CDH12: variants seen among roughly 807,000 people sequenced by gnomAD.
The protein encoded by CDH12 is cadherin-12.
A neutral mutation model predicts 74.1 loss-of-function variants in CDH12; 41 were observed. The ratio of observed to expected loss-of-function variants is 0.55; its 90% confidence interval spans 0.43 to 0.72. The LOEUF (loss-of-function observed/expected upper bound fraction) is 0.72. Ranked by LOEUF, CDH12 falls within the 30% of genes least tolerant of loss-of-function variation. The pLI is 0.00. For missense variants in CDH12, 945 were observed against 977.2 expected, an observed-to-expected ratio of 0.97 and a Z score of 0.44; for synonymous variants, 399 against 355.0, an observed-to-expected ratio of 1.12 and a Z score of -1.39.
chr5:21,783,355 T>C lies in CDH12; in HGVS notation c.1393+3A>G. ...ACATTGATTCTGTCCATGCCATACT[T>C]ACTAACTTTACTCGCAATTATGGAG... On this transcript the variant is annotated splice_donor_region_variant and intron_variant, in intron 11 of 14. Coordinates refer to ENST00000382254, the MANE Select transcript of CDH12 (RefSeq NM_004061.5). 6.2e-7 allele frequency: 1 copy of C among 1,612,358 alleles called. No homozygotes were observed.
intron 4 of CDH12, among the ~76,000 whole-genome samples, chr5:22,194,798 G>C (rs1412881448): frequency 6.6e-6 from 1 of 152,166 alleles, no homozygotes; most frequent in Non-Finnish European, 1.5e-5. Context: ...TGGGGACCAC[G>C]GGCATAGGAC....
chr5:22,423,686 T>A (rs552760634), intron 2 of CDH12, among the ~76,000 whole-genome samples: 1 of 152,066 alleles, frequency 6.6e-6, no homozygotes, highest in East Asian at 1.9e-4. Context: ...ATGCTGTGAT[T>A]GGATGCCACT....
intron 6 of CDH12, among the ~76,000 whole-genome samples, chr5:21,880,616 C>CTTTCT (rs1752256319): frequency 5.9e-5 from 3 of 50,858 alleles, no homozygotes; most frequent in African/African-American, 2.6e-4. Context: ...TCCTTCCTTC[C>CTTTCT]TTCTTTCTTT....
intron 2 of CDH12, among the ~76,000 whole-genome samples, chr5:22,422,696 A>G (rs531546816): frequency 6.6e-6 from 1 of 152,258 alleles, no homozygotes; most frequent in East Asian, 1.9e-4. Flanking sequence ...ATGTGCCAAA[A>G]GCTCAAATTT....
chr5:22,817,273 C>A (rs1168235270), intron 1 of CDH12, among the ~76,000 whole-genome samples: 2 of 151,964 alleles, frequency 1.3e-5, no homozygotes, highest in African/African-American at 4.8e-5. Context: ...CATGAATGTA[C>A]TTTAGTAAAA....
intron 6 of CDH12, among the ~76,000 whole-genome samples, chr5:21,865,697 G>A (rs1207902781): frequency 1.3e-5 from 2 of 152,108 alleles, no homozygotes; most frequent in Non-Finnish European, 2.9e-5. Flanking sequence ...TTATTCTGGA[G>A]GCATGCAGAG....
At chr5:22,738,945 C>G (rs1744878381) in intron 1 of CDH12, among the ~76,000 whole-genome samples, 1 of 152,012 alleles carries the variant, frequency 6.6e-6, no homozygotes, top group Non-Finnish European at 1.5e-5. Flanking sequence ...AAACAACTGA[C>G]ATATTTAATG....
intron 4 of CDH12, among the ~76,000 whole-genome samples, chr5:22,176,526 G>T (rs1038388657): frequency 6.6e-6 from 1 of 152,114 alleles, no homozygotes; most frequent in African/African-American, 2.4e-5. Context: ...CAAATGCTAG[G>T]TGTCATCTTT....
chr5:22,845,789 T>C (rs1043146701), intron 1 of CDH12, among the ~76,000 whole-genome samples: 1 of 152,164 alleles, frequency 6.6e-6, no homozygotes, highest in Non-Finnish European at 1.5e-5. Flanking sequence ...CTTGACAAGA[T>C]ATTGGTTTTA....
At chr5:22,138,663 T>A in intron 4 of CDH12, among the ~76,000 whole-genome samples, 1 of 150,244 alleles carries the variant, frequency 6.7e-6, no homozygotes, top group East Asian at 2.0e-4. Flanking sequence ...ATCAAATAGG[T>A]CTTGAGTCAT....
At chr5:22,254,381 A>G (rs1046522788) in intron 3 of CDH12, among the ~76,000 whole-genome samples, 2 of 151,920 alleles carry the variant, frequency 1.3e-5, no homozygotes, top group Non-Finnish European at 2.9e-5. Flanking sequence ...AAGCATATTA[A>G]TGAGTATAGT....
intron 3 of CDH12, among the ~76,000 whole-genome samples, chr5:22,285,463 T>A (rs193091349): frequency 2.7e-4 from 41 of 152,278 alleles, no homozygotes; most frequent in Middle Eastern, 3.4e-3. Flanking sequence ...TGATTCAGCA[T>A]TTAAAAATGC....
chr5:22,194,613 T>C (rs1750518903), intron 4 of CDH12, among the ~76,000 whole-genome samples: 1 of 152,170 alleles, frequency 6.6e-6, no homozygotes, highest in Non-Finnish European at 1.5e-5. Flanking sequence ...ATTACAGGTG[T>C]GAGGCACCGT....
intron 10 of CDH12, among the ~76,000 whole-genome samples, chr5:21,788,116 T>C (rs940711588): frequency 6.6e-6 from 1 of 152,178 alleles, no homozygotes; most frequent in African/African-American, 2.4e-5. Context: ...ATGATGCCCA[T>C]CAGTGAAGAC....
chr5:22,463,969 T>A (rs1044901744), intron 2 of CDH12, among the ~76,000 whole-genome samples: 2 of 152,202 alleles, frequency 1.3e-5, no homozygotes, highest in Admixed American at 1.3e-4. Flanking sequence ...TATGGTTTGG[T>A]TGTATTCCCA....
chr5:22,800,061 G>A (rs774670832), intron 1 of CDH12, among the ~76,000 whole-genome samples: 4 of 152,136 alleles, frequency 2.6e-5, no homozygotes, highest in Non-Finnish European at 5.9e-5. Flanking sequence ...TGGGGAAAAT[G>A]GTTTAGTAGC....
Position 22,401,645 on chromosome 5 carries a change from G to C in CDH12, c.-333+3612C>G, listed in dbSNP as rs574343623. Among the ~76,000 whole-genome samples, 136 of 152,220 alleles carry C rather than the reference G, an allele frequency of 8.9e-4. 2 individuals carry two copies. The highest frequency in any genetic ancestry group is 8.2e-4 in the Non-Finnish European group (56 of 68,014). ...TATCATACAAGTAGTTCATAATAAT[G>C]TATAGAGTTGAATACTGACCTCTTT... is the stretch of plus-strand genomic sequence containing the variant. On this transcript the variant is annotated intron_variant, in intron 3 of 14. Coordinates refer to ENST00000382254, the MANE Select transcript of CDH12 (RefSeq NM_004061.5).
intron 1 of CDH12, among the ~76,000 whole-genome samples, chr5:22,772,425 A>G (rs761309962): frequency 7.2e-5 from 11 of 152,226 alleles, no homozygotes; most frequent in East Asian, 1.9e-4. Flanking sequence ...AGTGGAGTGA[A>G]CTACCAGACA....
At position 22,300,076 on chromosome 5, in the gene CDH12, G is replaced by T. The variant is rs183618619; in HGVS notation, c.-332-87433C>A. On this transcript the variant is annotated intron_variant, in intron 3 of 14. Coordinates refer to ENST00000382254, the MANE Select transcript of CDH12 (RefSeq NM_004061.5). ...GCTAGGGTAGACTGAAATCAAGTTA[G>T]AACAGTAGTAGGAGTGAATAAGAAC... Among the ~76,000 whole-genome samples, 408 of 152,242 alleles carry T rather than the reference G, an allele frequency of 2.7e-3. 1 individual carries two copies. The highest frequency in any genetic ancestry group is 9.2e-3 in the African/African-American group (381 of 41,550).
Sources: allele counts gnomAD v4.1 joint callset (sites outside exome capture counted in the v4.1 genomes callset), GRCh38; gene constraint gnomAD v4.1.1; transcripts MANE v1.5; gene names NCBI Gene and HGNC (gene_info 2026-07-23, HGNC 2026-07-21).